ZMYM4: variants seen among roughly 807,000 people sequenced by gnomAD.
The protein encoded by ZMYM4 is zinc finger MYM-type protein 4.
A neutral mutation model predicts 183.2 loss-of-function variants in ZMYM4; 31 were observed. That is an observed-to-expected ratio of 0.17 (90% CI 0.13 to 0.23). The LOEUF is 0.23. Among genes scored for constraint, ZMYM4 ranks in the 10% least tolerant of loss-of-function variants. The pLI is 1.00. For missense variants in ZMYM4, 1,273 were observed against 1,840.3 expected (o/e 0.69, Z 5.64); for synonymous variants, 592 against 631.2 (o/e 0.94, Z 0.93).
intron 1 of ZMYM4, among the ~76,000 whole-genome samples, chr1:35,309,436 T>C (rs1407835462): frequency 1.3e-5 from 2 of 152,202 alleles, no homozygotes; most frequent in African/African-American, 2.4e-5. Flanking sequence ...AAAATAGTTT[T>C]AGGTAATTGA....
At chr1:35,274,571 A>G (rs958517752) in intron 1 of ZMYM4, among the ~76,000 whole-genome samples, 8 of 149,812 alleles carry the variant, frequency 5.3e-5, no homozygotes, top group African/African-American at 2.0e-4. Context: ...GTGCCACTGC[A>G]CTTTAGCCTG....
intron 1 of ZMYM4, among the ~76,000 whole-genome samples, chr1:35,280,077 A>T (rs112802957): frequency 0.037 from 5,520 of 148,460 alleles, 147 homozygotes; most frequent in Non-Finnish European, 0.05. Context: ...AGCCACCTTT[A>T]CATTTTTTTT....
At chr1:35,369,200 A>G (rs960452332) in intron 5 of ZMYM4, among the ~76,000 whole-genome samples, 1 of 152,240 alleles carries the variant, frequency 6.6e-6, no homozygotes, top group Non-Finnish European at 1.5e-5. Context: ...ATGATAAACA[A>G]TATATTAAAA....
Position 35,405,166 on chromosome 1 carries a change from G to A in ZMYM4, c.3672G>A (p.Lys1224=). The change falls in exon 24 of 30, where the codon AAG becomes AAA. Residue 1224 remains lysine, a synonymous_variant. Transcript: ENST00000314607. Reference sequence around the variant, plus strand: ...ACTGGGTTCAGTGGAAAAATGCCAAGGAAGAGCAGGGGGATCTAAAATGTG... The same window carrying A: ...ACTGGGTTCAGTGGAAAAATGCCAAAGAAGAGCAGGGGGATCTAAAATGTG... ...WKNWVQWKNA[K]EEQGDLKCGG... is the part of the protein sequence containing the mutation. The A allele has an allele frequency of 6.2e-7, 1 of 1,614,022 alleles. No individual in the cohort carries two copies. Among genetic ancestry groups the A allele is most frequent in the Non-Finnish European group, 8.5e-7 (1 of 1,179,968 alleles).
chr1:35,296,206 G>A lies in ZMYM4; in HGVS notation c.39+27121G>A, dbSNP rs187937258. Among the ~76,000 whole-genome samples the A allele has an allele frequency of 3.5e-3, 526 of 152,306 alleles. 2 individuals are homozygous for A. The highest frequency in any genetic ancestry group is 4.8e-3 in the Non-Finnish European group (328 of 68,026). On this transcript the variant is annotated intron_variant, in intron 1 of 29. Transcript: ENST00000314607. ...CCCCTGGGCCTTCTCAGGAAATGTA[G>A]TTGGGTGGTAGGTGTGCAGGTTGCA...
chr1:35,340,575 C>T (rs1643163630), intron 2 of ZMYM4, among the ~76,000 whole-genome samples: 1 of 151,830 alleles, frequency 6.6e-6, no homozygotes, highest in African/African-American at 2.4e-5. Context: ...ATTAGATTCT[C>T]ATAATGGGCA....
At chr1:35,271,587 A>G (rs892137439) in intron 1 of ZMYM4, among the ~76,000 whole-genome samples, 2 of 152,036 alleles carry the variant, frequency 1.3e-5, no homozygotes, top group Non-Finnish European at 2.9e-5. Context: ...ATTTTTAGTA[A>G]AGATGGGATT....
chr1:35,389,064 T>C lies in ZMYM4; in HGVS notation c.2418T>C (p.Tyr806=), dbSNP rs747420217. 10 of 1,613,624 alleles carry C rather than the reference T, an allele frequency of 6.2e-6. No individual in the cohort carries two copies. The East Asian group carries it at 1.8e-4, about 29-fold the overall frequency. ...GTTGTGAAGAATGCATGTCCAAATATACAGTTTTGTTCTATCAGGTAAATA... is the reference window on the plus strand; with the variant it reads ...GTTGTGAAGAATGCATGTCCAAATACACAGTTTTGTTCTATCAGGTAAATA... ...EFCCEECMSK[Y]TVLFYQMAKC... The change falls in exon 14 of 30, where the codon TAT becomes TAC. Residue 806 remains tyrosine (Y), a synonymous_variant. Coordinates refer to ENST00000314607, the MANE Select transcript of ZMYM4 (RefSeq NM_005095.3). The surrounding 1 kb of genome is among the most constrained non-coding windows in gnomAD (Gnocchi z 4.0).
intron 23 of ZMYM4, among the ~76,000 whole-genome samples, chr1:35,404,205 C>T (rs1018800034): frequency 1.3e-5 from 2 of 152,128 alleles, no homozygotes; most frequent in African/African-American, 4.8e-5. Context: ...GCTGGGACTA[C>T]AGATGTATGC....
intron 1 of ZMYM4, among the ~76,000 whole-genome samples, chr1:35,302,336 A>C (rs1641326533): frequency 6.7e-6 from 1 of 148,610 alleles, no homozygotes; most frequent in African/African-American, 2.5e-5. Flanking sequence ...CCTCTGGAGA[A>C]GCTGGGACTA....
chr1:35,395,220 TAGC>T (rs1319991458), intron 18 of ZMYM4, among the ~76,000 whole-genome samples: 1 of 149,406 alleles, frequency 6.7e-6, no homozygotes, highest in African/African-American at 2.5e-5. Context: ...TTTTAATCAA[TAGC>T]AGTTTATTTA....
At chr1:35,366,749 C>T (rs1570448757) in intron 5 of ZMYM4, among the ~76,000 whole-genome samples, 2 of 152,240 alleles carry the variant, frequency 1.3e-5, no homozygotes, top group Middle Eastern at 3.4e-3. Flanking sequence ...CGGTGGCTCA[C>T]GCCTGTAATC....
At position 35,387,207 on chromosome 1, in the gene ZMYM4, A is replaced by G. The variant is rs776648715; in HGVS notation, c.2041A>G (p.Ser681Gly). ...GTCCCAGCATGTTGGGTTTGCACGA[A>G]GTGTTGTGAAACTCAAATGTCAACA... ...AQSQHVGFAR[S>G]VVKLKCQHCN... Residue 681 changes from serine (S) to glycine (G), a missense_variant, in exon 12 of 30, where the codon AGT becomes GGT. Physicochemically the swap from Ser to Gly is moderately conservative, Grantham distance 56. Around this residue, in one of 6 missense-constraint regions of ZMYM4, gnomAD observed 319 missense variants for 518.1 expected, o/e 0.62. Coordinates refer to ENST00000314607, the MANE Select transcript of ZMYM4 (RefSeq NM_005095.3). The G allele has an allele frequency of 1.2e-6, 2 of 1,614,228 alleles. No homozygotes were observed. The highest frequency in any genetic ancestry group is 8.5e-7 in the Non-Finnish European group (1 of 1,180,034).
At chr1:35,409,182 A>G (rs1280113302) in intron 26 of ZMYM4, among the ~76,000 whole-genome samples, 1 of 152,198 alleles carries the variant, frequency 6.6e-6, no homozygotes, top group African/African-American at 2.4e-5. Flanking sequence ...CCATTCATCC[A>G]CTGATGGACA....
intron 1 of ZMYM4, among the ~76,000 whole-genome samples, chr1:35,318,928 C>G (rs982916343): frequency 6.6e-6 from 1 of 152,028 alleles, no homozygotes; most frequent in South Asian, 2.1e-4. Context: ...CTCTTGTTGC[C>G]CAGGGTGGAG....
chr1:35,421,974 A>G lies in ZMYM4; in HGVS notation c.*2297A>G, dbSNP rs1640339341. On this transcript the variant is annotated 3_prime_UTR_variant, in exon 30 of 30. Coordinates refer to ENST00000314607, the MANE Select transcript of ZMYM4 (RefSeq NM_005095.3). ...TGAGTTCTTCTTCTTTACGTCTTAAAAGAATTTGAAATCTCTTTTTCTGAT... is the reference window on the plus strand; with the variant it reads ...TGAGTTCTTCTTCTTTACGTCTTAAGAGAATTTGAAATCTCTTTTTCTGAT... 1 of 152,174 alleles carries G rather than the reference A, an allele frequency of 6.6e-6. No homozygotes were observed. Among genetic ancestry groups the G allele is most frequent in the Admixed American group, 6.5e-5 (1 of 15,270 alleles). The allele number at this position is 152,174 out of a possible 1,614,324, so 9.4% of individuals were successfully genotyped here.
At chr1:35,382,145 C>CA (rs1319746303) in intron 9 of ZMYM4, among the ~76,000 whole-genome samples, 2,161 of 92,524 alleles carry the variant, frequency 0.023, 52 homozygotes, top group African/African-American at 0.071. Flanking sequence ...AACTCCGTCT[C>CA]AAAAAAAAAA....
intron 5 of ZMYM4, among the ~76,000 whole-genome samples, chr1:35,364,348 T>C (rs760047707): frequency 5.9e-5 from 9 of 152,170 alleles, no homozygotes; most frequent in Non-Finnish European, 1.3e-4. Flanking sequence ...GGAGTCCTTT[T>C]TGTTGTCAGC....
rs59402643 is a variant in ZMYM4 at position 35,382,181 on chromosome 1, TACACACACAC to T, written c.1569+446_1569+455del. On this transcript the variant is annotated intron_variant, in intron 9 of 29. Coordinates refer to ENST00000314607, the MANE Select transcript of ZMYM4 (RefSeq NM_005095.3). ...AAACAAAAATGTATATATACACACA[TACACACACAC>T]ACACACACACACACACACACACGTA... Among the ~76,000 whole-genome samples, 781 of 133,540 alleles carry T rather than the reference TACACACACAC, an allele frequency of 5.8e-3. 7 individuals carry two copies. The highest frequency in any genetic ancestry group is 0.012 in the Middle Eastern group (3 of 242). The allele number at this position is 133,540 out of a possible 152,430, so 87.6% of individuals were successfully genotyped here.
Sources: allele counts gnomAD v4.1 joint callset (sites outside exome capture counted in the v4.1 genomes callset), GRCh38; gene constraint gnomAD v4.1.1; regional missense constraint gnomAD v4.1.1; non-coding constraint Gnocchi (gnomAD v3.1); transcripts MANE v1.5; gene names NCBI Gene and HGNC (gene_info 2026-07-23, HGNC 2026-07-21).